HNRNPH1: variants seen among roughly 807,000 people sequenced by gnomAD.
HNRNPH1 encodes the protein heterogeneous nuclear ribonucleoprotein H.
In HNRNPH1, 4 loss-of-function variants were observed where a neutral mutation model predicts 58.6. The ratio of observed to expected loss-of-function variants is 0.07; its 90% CI spans 0.03 to 0.16. The LOEUF (loss-of-function observed/expected upper bound fraction) is 0.16, where lower values mean the gene tolerates loss of function less well. Ranked by LOEUF, HNRNPH1 falls within the 10% of genes least tolerant of loss-of-function variation. The pLI is 1.00. For synonymous variants in HNRNPH1, 192 were observed against 189.2 expected (o/e 1.01, Z -0.12); for missense variants, 271 against 564.2 (o/e 0.48, Z 5.26).
Position 179,616,116 on chromosome 5 carries a change from C to T in HNRNPH1, c.1300+10G>A. On this transcript the variant is annotated intron_variant, in intron 11 of 12. Transcript: ENST00000356731. Reference sequence around the variant, plus strand: ...AACTTACTCTAAGTACAGTAACAAACAGGCTTTACCGTATCCACTCATGCT... The same window carrying T: ...AACTTACTCTAAGTACAGTAACAAATAGGCTTTACCGTATCCACTCATGCT... 6.2e-7 allele frequency: 1 copy of T among 1,604,232 alleles called. No individual in the cohort carries two copies. Among genetic ancestry groups the T allele is most frequent in the African/African-American group, 1.3e-5 (1 of 74,868 alleles).
chr5:179,627,254 C>T (rs1436662146), upstream of HNRNPH1, among the ~76,000 whole-genome samples: 2 of 152,096 alleles, frequency 1.3e-5, no homozygotes, highest in Non-Finnish European at 2.9e-5. Flanking sequence ...TGCAGTGACA[C>T]AATCATAACT....
chr5:179,615,570 A>G (rs773516720), exon 12 of HNRNPH1: 13 of 1,568,310 alleles, frequency 8.3e-6, no homozygotes, highest in Non-Finnish European at 1.1e-5. Context: ...ATTGAAAATC[A>G]CTGGAGTTTT....
At chr5:179,615,741 T>C in intron 11 of HNRNPH1, 146 bp from the exon 13 acceptor site, 2 of 539,714 alleles carry the variant, frequency 3.7e-6, no homozygotes, top group East Asian at 3.0e-5. Flanking sequence ...TATTTCAAAT[T>C]CTCCCTCTGT....
At chr5:179,615,754 A>G (rs1427620786) in intron 11 of HNRNPH1, 159 bp from the exon 13 acceptor site, 3 of 544,188 alleles carry the variant, frequency 5.5e-6, no homozygotes, top group East Asian at 6.0e-5. Context: ...CCCTCTGTCT[A>G]AAACTGACTT....
At position 179,623,165 on chromosome 5, in the gene HNRNPH1, C is replaced by T. The variant is rs1198437272; in HGVS notation, c.-32G>A. 1 of 1,523,214 alleles carries T rather than the reference C, an allele frequency of 6.6e-7. No individual in the cohort carries two copies. Among genetic ancestry groups the T allele is most frequent in the Non-Finnish European group, 9.1e-7 (1 of 1,102,228 alleles). 94.4% of individuals were successfully genotyped at this position (1,523,214 alleles called of 1,614,324 possible). A position where few individuals can be genotyped will look rare whatever the true frequency, so the allele number is the denominator to read the frequency against. On this transcript the variant is annotated 5_prime_UTR_variant, in exon 1 of 13. Coordinates refer to ENST00000356731, the Ensembl canonical transcript of HNRNPH1. ...TTACGCGGTCCGGCGTCGAAACAAA[C>T]TGCAAAGCGGGGAGGACCAGAACTG... is the stretch of plus-strand genomic sequence containing the variant.
At chr5:179,628,221 A>G (rs1774544138), upstream of HNRNPH1, among the ~76,000 whole-genome samples, 1 of 152,194 alleles carries the variant, frequency 6.6e-6, no homozygotes, top group African/African-American at 2.4e-5. Flanking sequence ...AAGTTTAGAA[A>G]GCCCTTTCCC....
At position 179,615,534 on chromosome 5, in the gene HNRNPH1, G is replaced by A; in HGVS notation, c.*12C>T. On this transcript the variant is annotated intron_variant, in intron 12 of 12. Transcript: ENST00000356731. ...GCTATTGGGAATTTATATTTTTTGA[G>A]AAAATATTTACCTATGCAATGTTTG... is the stretch of plus-strand genomic sequence containing the variant. 7.1e-7 allele frequency: 1 copy of A among 1,403,830 alleles called. No homozygotes were observed. Among genetic ancestry groups the A allele is most frequent in the East Asian group, 2.3e-5 (1 of 43,404 alleles). The allele number at this position is 1,403,830 out of a possible 1,614,324, so 87.0% of individuals were successfully genotyped here. A position where few individuals can be genotyped will look rare whatever the true frequency, so the allele number is the denominator to read the frequency against.
intron 1 of HNRNPH1, among the ~76,000 whole-genome samples, chr5:179,622,427 C>G (rs1362857963): frequency 1.3e-5 from 2 of 152,200 alleles, no homozygotes; most frequent in African/African-American, 2.4e-5. Flanking sequence ...AAAAGACACC[C>G]GGGCCAGGCG....
At chr5:179,623,415 T>G (rs1031251317) in exon 1 of HNRNPH1, 1 of 256,930 alleles carries the variant, frequency 3.9e-6, no homozygotes, top group African/African-American at 2.3e-5. Flanking sequence ...GGCGGCCGCT[T>G]CCGCTCCGCC....
intron 1 of HNRNPH1, 76 bp from the exon 3 acceptor site, chr5:179,621,473 T>A (rs558511983): frequency 7.9e-7 from 1 of 1,261,292 alleles, no homozygotes; most frequent in Admixed American, 2.0e-5. Flanking sequence ...AAATGTCTAT[T>A]CCATGTCCCC....
chr5:179,618,502 A>G (rs780394924), intron 4 of HNRNPH1, 179 bp from the exon 6 acceptor site: 18 of 481,964 alleles, frequency 3.7e-5, no homozygotes, highest in Non-Finnish European at 5.8e-5. Flanking sequence ...AATAAATAGT[A>G]AGACAATGTA....
exon 13 of HNRNPH1, chr5:179,614,631 AT>A: frequency 2.4e-6 from 1 of 413,998 alleles, no homozygotes. Flanking sequence ...TTTAACAGTT[AT>A]AGTTTACTCA....
At chr5:179,621,206 C>T (rs764541347) in intron 2 of HNRNPH1, 36 bp downstream of exon 3, 15 of 1,593,748 alleles carry the variant, frequency 9.4e-6, no homozygotes, top group African/African-American at 2.7e-5. Flanking sequence ...TTGTTTAATG[C>T]TTTATTTACT....
intron 1 of HNRNPH1, among the ~76,000 whole-genome samples, chr5:179,622,557 A>G (rs1220650739): frequency 6.6e-6 from 1 of 152,122 alleles, no homozygotes; most frequent in East Asian, 1.9e-4. Flanking sequence ...CTAAAAATAC[A>G]AAAATTAGCC....
chr5:179,618,510 G>A (rs1770844805), intron 4 of HNRNPH1, 187 bp from the exon 6 acceptor site: 4 of 392,558 alleles, frequency 1.0e-5, no homozygotes, highest in Non-Finnish European at 1.3e-5. Context: ...GTAAGACAAT[G>A]TAAACTTTAT....
exon 1 of HNRNPH1, chr5:179,623,187 A>G: frequency 1.5e-6 from 2 of 1,321,940 alleles, no homozygotes; most frequent in Non-Finnish European, 1.1e-6. Context: ...GAGGACCAGA[A>G]CTGAGAGCGC....
Position 179,622,661 on chromosome 5 carries a change from AG to A in HNRNPH1, c.97+375del, listed in dbSNP as rs796628058. On this transcript the variant is annotated intron_variant, in intron 1 of 12. Transcript: ENST00000356731. ...AGGAGGCGGAGGTTGCAGTGAGCCG[AG>A]AACGCGCCACTGCACTCCAGCTTGG... Among the ~76,000 whole-genome samples the A allele has an allele frequency of 3.3e-5, 5 of 152,352 alleles. No individual in the cohort carries two copies. In the East Asian group the frequency reaches 7.7e-4, roughly 23 times the overall value.
exon 13 of HNRNPH1, chr5:179,614,568 G>A (rs1299121555): frequency 1.3e-5 from 3 of 236,682 alleles, no homozygotes; most frequent in Non-Finnish European, 2.5e-5. Context: ...ACCTAAATAC[G>A]CTTACTGCTT....
At chr5:179,617,765 G>A (rs1202067367) in intron 7 of HNRNPH1, 34 bp downstream of exon 8, 59 of 1,611,478 alleles carry the variant, frequency 3.7e-5, no homozygotes, top group Non-Finnish European at 4.4e-5. Context: ...CTGCCATACT[G>A]AAATATTGAC....
Sources: gnomAD v4.1 joint callset for allele counts (sites outside exome capture counted in the v4.1 genomes callset) on GRCh38, gnomAD v4.1.1 for gene constraint, MANE v1.5 for transcripts, NCBI Gene and HGNC (gene_info 2026-07-23, HGNC 2026-07-21) for gene names.